The following ZNF827 variants were observed in gnomAD, a reference collection of about 807,000 sequenced individuals.
The protein encoded by ZNF827 is zinc finger protein 827.
Under a neutral mutation model 102.4 loss-of-function variants are expected in ZNF827, and 13 were observed. That is an observed-to-expected ratio of 0.13 (90% CI 0.08 to 0.20). The LOEUF is 0.20. ZNF827 is among the 10% of genes least tolerant of loss of function. The pLI is 1.00. For missense variants in ZNF827, 1,103 were observed against 1,344.4 expected (o/e 0.82, Z 2.81); for synonymous variants, 523 against 536.2 (o/e 0.98, Z 0.34).
chr4:145,914,686 G>A (rs1161528299), intron 1 of ZNF827, among the ~76,000 whole-genome samples: 1 of 152,116 alleles, frequency 6.6e-6, no homozygotes, highest in Non-Finnish European at 1.5e-5. Context: ...AATTCCAAGG[G>A]CCAGGATACC....
chr4:145,788,257 C>A (rs1226264121), intron 8 of ZNF827, among the ~76,000 whole-genome samples: 4 of 152,076 alleles, frequency 2.6e-5, no homozygotes, highest in African/African-American at 4.8e-5. Context: ...GTTCTTTATG[C>A]AGGTCATATT....
In ZNF827 at chr4:145,760,022, A is replaced by G. The variant is rs1579055524; in HGVS notation, c.*1594T>C. On this transcript the variant is annotated 3_prime_UTR_variant, in exon 15 of 15. Transcript: ENST00000508784. ...CTGTGATGTTAGCTGCAGTGCTGCG[A>G]GATATTTCTTCCAGATCAGTCACTT... 6.6e-6 allele frequency: 1 copy of G among 152,356 alleles called. No individual in the cohort carries two copies. Among genetic ancestry groups the G allele is most frequent in the Admixed American group, 6.5e-5 (1 of 15,304 alleles). 9.4% of individuals were successfully genotyped at this position (152,356 alleles called of 1,614,324 possible). A position where few individuals can be genotyped will look rare whatever the true frequency, so the allele number is the denominator to read the frequency against.
chr4:145,926,684 A>G (rs1753451272), intron 1 of ZNF827, among the ~76,000 whole-genome samples: 1 of 152,224 alleles, frequency 6.6e-6, no homozygotes, highest in African/African-American at 2.4e-5. Flanking sequence ...AATTATTTAT[A>G]CTAAGCATAT....
rs532470991 is a variant in ZNF827, at chr4:145,915,185, C to T, written c.44-11970G>A. ...TCTCTTGGCCGGGTGTGGTAGCTCA[C>T]GCCTGTAATCTCAGCCCTTTGGGAG... On this transcript the variant is annotated intron_variant, in intron 1 of 14. Transcript: ENST00000508784. Among the ~76,000 whole-genome samples, 12 of 152,280 alleles carry T rather than the reference C, an allele frequency of 7.9e-5. 1 individual carries two copies. Among genetic ancestry groups the T allele is most frequent in the East Asian group, 7.7e-4 (4 of 5,194 alleles).
At chr4:145,808,399 C>G (rs1298796183) in intron 8 of ZNF827, among the ~76,000 whole-genome samples, 2 of 152,152 alleles carry the variant, frequency 1.3e-5, no homozygotes, top group Non-Finnish European at 2.9e-5. Context: ...TTTCCCAGGA[C>G]CCTCCCCCAT....
Position 145,852,722 on chromosome 4 carries a change from A to G in ZNF827, c.1982-3161T>C, listed in dbSNP as rs191316214. The stretch of plus-strand genomic sequence containing the variant: ...AGCAACATCCTTGGTCTCTCTACCC[A>G]CTAGATACCAGTAGCATTATCCTCT... On this transcript the variant is annotated intron_variant, in intron 5 of 14. Transcript: ENST00000508784. Among the ~76,000 whole-genome samples the G allele has an allele frequency of 6.0e-3, 920 of 152,286 alleles. 5 individuals are homozygous for G. Among genetic ancestry groups the G allele is most frequent in the Admixed American group, 0.011 (163 of 15,298 alleles).
Position 145,765,256 on chromosome 4 carries a change from C to T in ZNF827, c.3053-91G>A. On this transcript the variant is annotated intron_variant, in intron 12 of 14. Coordinates refer to ENST00000508784, the MANE Select transcript of ZNF827 (RefSeq NM_001306215.2). The surrounding 1 kb of genome is among the most constrained non-coding windows in gnomAD (Gnocchi z 4.7). ...CCAAGCTCCTCCCCACTTCCTCCCG[C>T]CTCCTCCGACGCCTGACAGCTATAC... The T allele has an allele frequency of 1.5e-6, 2 of 1,368,316 alleles. No homozygotes were observed. The highest frequency in any genetic ancestry group is 2.0e-6 in the Non-Finnish European group (2 of 1,020,678). The allele number at this position is 1,368,316 out of a possible 1,614,324, so 84.8% of individuals were successfully genotyped here. A position where few individuals can be genotyped will look rare whatever the true frequency, so the allele number is the denominator to read the frequency against.
intron 3 of ZNF827, among the ~76,000 whole-genome samples, chr4:145,892,025 A>C (rs572100974): frequency 1.3e-5 from 2 of 152,334 alleles, no homozygotes; most frequent in Admixed American, 1.3e-4. Flanking sequence ...CATTATTTGG[A>C]TATCGAAGGT....
At chr4:145,889,081 GTTAT>G (rs1750376581) in intron 3 of ZNF827, among the ~76,000 whole-genome samples, 1 of 152,046 alleles carries the variant, frequency 6.6e-6, no homozygotes, top group African/African-American at 2.4e-5. Flanking sequence ...AGTGATAATG[GTTAT>G]TTATCATTCT....
chr4:145,922,020 T>C (rs749875960), intron 1 of ZNF827, among the ~76,000 whole-genome samples: 2 of 152,236 alleles, frequency 1.3e-5, no homozygotes, highest in East Asian at 1.9e-4. Context: ...TACAGTATAA[T>C]GCACATTGTA....
intron 8 of ZNF827, among the ~76,000 whole-genome samples, chr4:145,819,111 T>C (rs919836831): frequency 2.0e-5 from 3 of 152,180 alleles, no homozygotes; most frequent in African/African-American, 4.8e-5. Context: ...GTGAGTTTTT[T>C]TTTTTTTAAA....
chr4:145,835,347 T>C (rs1279658811), intron 7 of ZNF827: 1 of 152,000 alleles, frequency 6.6e-6, no homozygotes, highest in Non-Finnish European at 1.5e-5. Context: ...CTACATTACC[T>C]TCTTTTCAAG....
At chr4:145,847,558 G>C (rs943629669) in intron 6 of ZNF827, among the ~76,000 whole-genome samples, 2 of 152,166 alleles carry the variant, frequency 1.3e-5, no homozygotes, top group Admixed American at 1.3e-4. Context: ...AGAAGAGGTA[G>C]ACCCTCCCTT....
In ZNF827 at chr4:145,860,796, C is replaced by T. The variant is rs569025674; in HGVS notation, c.1981+9449G>A. 5.5e-4 allele frequency among the ~76,000 whole-genome samples: 84 copies of T among 152,312 alleles called. 1 individual carries two copies. Among genetic ancestry groups the T allele is most frequent in the African/African-American group, 2.0e-3 (82 of 41,558 alleles). On this transcript the variant is annotated intron_variant, in intron 5 of 14. Transcript: ENST00000508784. ...ATCCCTTCAGAAAGAATACCACAGG[C>T]CCTTACAGCTTGATAGCGGGGAAAC...
chr4:145,801,062 G>A (rs1455200176), intron 8 of ZNF827, among the ~76,000 whole-genome samples: 1 of 151,998 alleles, frequency 6.6e-6, no homozygotes. Flanking sequence ...AATTCACAAG[G>A]TAGTAAAAAA....
chr4:145,892,271 C>A lies in ZNF827; in HGVS notation c.1238G>T (p.Arg413Leu). The A allele has an allele frequency of 1.9e-6, 3 of 1,611,662 alleles. No homozygotes were observed. The highest frequency in any genetic ancestry group is 2.5e-6 in the Non-Finnish European group (3 of 1,178,582). Residue 413 changes from arginine (R) to leucine (L), a missense_variant, in exon 3 of 15, where the codon CGC becomes CTC. This residue lies in a region of ZNF827 where 20 missense variants were observed against 60.6 expected (regional missense o/e 0.33). Transcript: ENST00000508784. ...CATGTGGGATTTGAGATTGTCCTTG[C>A]GAGCACACCGGAATGGACAGAGCGG... is the stretch of plus-strand genomic sequence containing the variant. Reference protein sequence around the residue: ...QCPLCPFRCARKDNLKSHMKV... With the variant: ...QCPLCPFRCALKDNLKSHMKV...
At position 145,938,641 on chromosome 4, in the gene ZNF827, AT is replaced by A; in HGVS notation, c.-235del. On this transcript the variant is annotated 5_prime_UTR_variant, in exon 1 of 15. Transcript: ENST00000508784. ...TTTTTCCTTTTTTTTTTTTTTTTAA[AT>A]TTTTGGTCGTGCACCTGGCTTGTCC... 1 of 516,554 alleles carries A rather than the reference AT, an allele frequency of 1.9e-6. No individual in the cohort carries two copies. Among genetic ancestry groups the A allele is most frequent in the East Asian group, 3.1e-5 (1 of 32,408 alleles). The allele number at this position is 516,554 out of a possible 1,614,324, so 32.0% of individuals were successfully genotyped here.
intron 8 of ZNF827, among the ~76,000 whole-genome samples, chr4:145,791,654 A>G (rs1739722744): frequency 6.6e-6 from 1 of 152,208 alleles, no homozygotes; most frequent in Admixed American, 6.5e-5. Context: ...TTAATGGTTA[A>G]GAAAACTTTG....
chr4:145,937,276 C>T (rs1349121015), intron 1 of ZNF827, among the ~76,000 whole-genome samples: 1 of 151,748 alleles, frequency 6.6e-6, no homozygotes, highest in Non-Finnish European at 1.5e-5. Flanking sequence ...GGGTGTGTGT[C>T]TCCAGTTGGC....
Sources: gnomAD v4.1 joint callset for allele counts (sites outside exome capture counted in the v4.1 genomes callset) on GRCh38, gnomAD v4.1.1 for gene constraint, gnomAD v4.1.1 regional missense constraint, Gnocchi (gnomAD v3.1) non-coding constraint, MANE v1.5 for transcripts, NCBI Gene and HGNC (gene_info 2026-07-23, HGNC 2026-07-21) for gene names.